AACS: variants seen among roughly 807,000 people sequenced by gnomAD.
AACS encodes acetoacetate-CoA ligase.
In AACS, 69 loss-of-function variants were observed where a neutral mutation model predicts 83.1. The ratio of observed to expected loss-of-function variants is 0.83; its 90% confidence interval spans 0.68 to 1.01. AACS has a LOEUF of 1.01. Ranked by LOEUF, AACS falls within the 50% of genes least tolerant of loss-of-function variation. The probability of loss-of-function intolerance (pLI) is 0.00; values close to 1 mark genes in which losing one functional copy is unlikely to be tolerated. For synonymous variants in AACS, 333 were observed against 343.4 expected (o/e 0.97, Z 0.33); for missense variants, 866 against 882.2 (o/e 0.98, Z 0.23).
intron 5 of AACS, among the ~76,000 whole-genome samples, chr12:125,095,900 T>C (rs1956595764): frequency 6.6e-6 from 1 of 152,184 alleles, no homozygotes; most frequent in African/African-American, 2.4e-5. Context: ...CTCTGGCCAG[T>C]TGTGAGGCTT....
At chr12:125,105,631 C>T (rs1247126809) in intron 7 of AACS, 1 of 152,204 alleles carries the variant, frequency 6.6e-6, no homozygotes, top group African/African-American at 2.4e-5. Flanking sequence ...TTAGCCACTT[C>T]ATTTAGCCCG....
intron 8 of AACS, among the ~76,000 whole-genome samples, chr12:125,112,553 G>A (rs1275685143): frequency 2.6e-5 from 4 of 151,940 alleles, no homozygotes; most frequent in Non-Finnish European, 5.9e-5. Flanking sequence ...GGTGGTGTGT[G>A]CCTGTAGTCC....
Position 125,104,406 on chromosome 12 carries a change from C to T in AACS, c.767+1325C>T, listed in dbSNP as rs1052403806. Among the ~76,000 whole-genome samples the T allele has an allele frequency of 2.0e-5, 3 of 152,162 alleles. 1 individual carries two copies. The highest frequency in any genetic ancestry group is 4.4e-5 in the Non-Finnish European group (3 of 68,038). On this transcript the variant is annotated intron_variant, in intron 7 of 17. Transcript: ENST00000316519. ...TGTCAGGGTGTTCTCAGGGGCACCA[C>T]AAGGTACAAATCATGTGTCCTGTCC...
chr12:125,141,856 A>C (rs1593019401), intron 17 of AACS: 1 of 178,262 alleles, frequency 5.6e-6, no homozygotes. Context: ...CCAGTCCTTG[A>C]AAGTGCCTTT....
intron 5 of AACS, among the ~76,000 whole-genome samples, chr12:125,093,514 A>C (rs148762704): frequency 1.3e-5 from 2 of 152,316 alleles, no homozygotes; most frequent in African/African-American, 4.8e-5. Context: ...CTCTGTAGCA[A>C]ACATGGTCTC....
intron 3 of AACS, among the ~76,000 whole-genome samples, chr12:125,082,342 A>ATT (rs746125500): frequency 7.6e-6 from 1 of 131,696 alleles, no homozygotes. Context: ...TGGCTATTTC[A>ATT]TTTTTTTTTT....
intron 2 of AACS, among the ~76,000 whole-genome samples, chr12:125,074,352 G>A (rs1010524022): frequency 1.3e-5 from 2 of 152,078 alleles, no homozygotes; most frequent in Admixed American, 6.6e-5. Flanking sequence ...AGGAGTTTGA[G>A]TGCAGGCTAG....
chr12:125,066,088 T>C (rs916860872), intron 1 of AACS, among the ~76,000 whole-genome samples: 1 of 152,162 alleles, frequency 6.6e-6, no homozygotes, highest in African/African-American at 2.4e-5. Flanking sequence ...CATAGGGCCT[T>C]TTTGACTTGC....
intron 7 of AACS, among the ~76,000 whole-genome samples, chr12:125,103,984 TC>T (rs1956775638): frequency 1.4e-4 from 1 of 7,076 alleles, no homozygotes; most frequent in Non-Finnish European, 5.4e-4. Flanking sequence ...CGAAACTCCG[TC>T]TCAAAAAAAA....
intron 10 of AACS, chr12:125,122,944 C>T (rs1011174930): frequency 6.6e-6 from 1 of 152,216 alleles, no homozygotes; most frequent in African/African-American, 2.4e-5. Flanking sequence ...CCCGTGCTTC[C>T]AAGAGCTGAA....
At chr12:125,084,639 T>G (rs1019464711) in intron 3 of AACS, among the ~76,000 whole-genome samples, 1 of 151,422 alleles carries the variant, frequency 6.6e-6, no homozygotes, top group Non-Finnish European at 1.5e-5. Context: ...AGTGCAGTGG[T>G]GTGATCTCAG....
intron 2 of AACS, among the ~76,000 whole-genome samples, chr12:125,075,323 C>T (rs949115741): frequency 4.0e-5 from 6 of 150,212 alleles, no homozygotes; most frequent in Non-Finnish European, 5.9e-5. Flanking sequence ...TCTTTGAGAC[C>T]GAGTCTCGCT....
intron 17 of AACS, chr12:125,139,421 C>T (rs1957448360): frequency 6.6e-6 from 1 of 152,580 alleles, no homozygotes; most frequent in South Asian, 2.1e-4. Flanking sequence ...GCTCTGGCCC[C>T]CCCTCTGCCC....
rs1955667250 is a variant in AACS at position 125,065,643 on chromosome 12, A to C, written c.59A>C (p.Glu20Ala). The C allele has an allele frequency of 6.5e-7, 1 of 1,542,976 alleles. No individual in the cohort carries two copies. The highest frequency in any genetic ancestry group is 8.7e-7 in the Non-Finnish European group (1 of 1,142,938). The change falls in exon 1 of 18, where the codon GAG becomes GCG. Residue 20 changes from glutamate to alanine, a missense_variant. Transcript: ENST00000316519. ...ATCCTGGAGTGCCAGGTGATGTGGG[A>C]GCCTGACAGTAAGAAGAACACGCAG... ...EEILECQVMWEPDSKKNTQMD... is the reference protein window; with the variant it reads ...EEILECQVMWAPDSKKNTQMD...
At chr12:125,126,953 C>T (rs1957253618) in intron 12 of AACS, 1 of 152,010 alleles carries the variant, frequency 6.6e-6, no homozygotes, top group Admixed American at 6.5e-5. Context: ...AAAACATACT[C>T]TCAAAGCACC....
Position 125,142,224 on chromosome 12 carries a change from T to G in AACS, c.2014T>G (p.Phe672Val). The change falls in exon 18 of 18, where the codon TTC becomes GTC. Residue 672 changes from phenylalanine to valine, a missense_variant. Physicochemically the swap from Phe to Val is conservative, Grantham distance 50. Coordinates refer to ENST00000316519, the MANE Select transcript of AACS (RefSeq NM_023928.5). ...CCGGGACATCCCTGAGCTGCAGGGC[T>G]TCTGAGTCAGACTGGCTGGCGTGTC... is the stretch of plus-strand genomic sequence containing the variant. Reference protein sequence around the residue: ...LYRDIPELQGF With the variant: ...LYRDIPELQGV The G allele has an allele frequency of 6.2e-7, 1 of 1,613,812 alleles. No homozygotes were observed. The highest frequency in any genetic ancestry group is 8.5e-7 in the Non-Finnish European group (1 of 1,179,778).
rs559193951 is a variant in AACS at position 125,112,001 on chromosome 12, G to C, written c.916-2476G>C. The stretch of plus-strand genomic sequence containing the variant: ...TCCTATCTCTGCTGTGCTCTCAGCA[G>C]ACCACGTGAGCGAAGCTGTAGAGTT... On this transcript the variant is annotated intron_variant, in intron 8 of 17. Coordinates refer to ENST00000316519, the MANE Select transcript of AACS (RefSeq NM_023928.5). Among the ~76,000 whole-genome samples, 29 of 152,336 alleles carry C rather than the reference G, an allele frequency of 1.9e-4. No individual in the cohort carries two copies. The South Asian group carries it at 6.0e-3, about 32-fold the overall frequency.
chr12:125,123,970 T>A (rs1440440516), intron 10 of AACS: 1 of 152,276 alleles, frequency 6.6e-6, no homozygotes, highest in Non-Finnish European at 1.5e-5. Context: ...TGGACTTTTC[T>A]AAGTTTCATA....
At chr12:125,112,564 C>A (rs1220812370) in intron 8 of AACS, among the ~76,000 whole-genome samples, 1 of 151,272 alleles carries the variant, frequency 6.6e-6, no homozygotes, top group Non-Finnish European at 1.5e-5. Flanking sequence ...CCTGTAGTCC[C>A]AGCTACTTGG....
Sources: gnomAD v4.1 joint callset for allele counts (sites outside exome capture counted in the v4.1 genomes callset) on GRCh38, gnomAD v4.1.1 for gene constraint, MANE v1.5 for transcripts, NCBI Gene and HGNC (gene_info 2026-07-23, HGNC 2026-07-21) for gene names.